The following LDLRAD4 variants were observed in gnomAD, a reference collection of about 807,000 sequenced individuals.
The protein encoded by LDLRAD4 is low-density lipoprotein receptor class A domain-containing protein 4.
Under a neutral mutation model 17.0 loss-of-function variants are expected in LDLRAD4, and 5 were observed. The ratio of observed to expected loss-of-function variants is 0.29; its 90% CI spans 0.15 to 0.62. LDLRAD4 has a LOEUF of 0.62. LDLRAD4 is among the 20% of genes least tolerant of loss of function. The probability of loss-of-function intolerance (pLI) is 0.84; values close to 1 mark genes in which losing one functional copy is unlikely to be tolerated. For missense variants in LDLRAD4, 340 were observed against 424.7 expected (o/e 0.80, Z 1.75); for synonymous variants, 168 against 171.8 (o/e 0.98, Z 0.17).
intron 3 of LDLRAD4, among the ~76,000 whole-genome samples, chr18:13,565,459 G>A (rs1323602372): frequency 3.3e-5 from 5 of 152,258 alleles, no homozygotes; most frequent in African/African-American, 9.6e-5. Flanking sequence ...GGGGCGCTGC[G>A]GTCCTCAGCC....
intron 2 of LDLRAD4, among the ~76,000 whole-genome samples, chr18:13,393,624 A>T (rs1417135691): frequency 3.9e-5 from 6 of 152,070 alleles, no homozygotes. Context: ...GTGTCATGAG[A>T]CCGTCTCCCT....
intron 1 of LDLRAD4, among the ~76,000 whole-genome samples, chr18:13,346,298 C>T (rs2082683507): frequency 6.6e-6 from 1 of 152,134 alleles, no homozygotes; most frequent in Non-Finnish European, 1.5e-5. Context: ...TCGTTGGTTT[C>T]AAAGAACATC....
At chr18:13,284,392 TG>T (rs1164201798) in intron 1 of LDLRAD4, among the ~76,000 whole-genome samples, 1 of 152,130 alleles carries the variant, frequency 6.6e-6, no homozygotes, top group Non-Finnish European at 1.5e-5. Flanking sequence ...TGGAGTCATA[TG>T]GGATAAATAC....
At chr18:13,328,623 C>T (rs956403081) in intron 1 of LDLRAD4, among the ~76,000 whole-genome samples, 5 of 152,140 alleles carry the variant, frequency 3.3e-5, no homozygotes, top group East Asian at 3.8e-4. Flanking sequence ...GTTTATTGAG[C>T]GTCAACTTTG....
intron 3 of LDLRAD4, among the ~76,000 whole-genome samples, chr18:13,590,069 G>A (rs1308675785): frequency 6.6e-6 from 1 of 151,282 alleles, no homozygotes; most frequent in African/African-American, 2.4e-5. Flanking sequence ...GACTGCATGT[G>A]TGTGGGTGTG....
At chr18:13,387,948 T>C (rs115575617) in intron 2 of LDLRAD4, among the ~76,000 whole-genome samples, 186 bp downstream of exon 3, 1,680 of 152,322 alleles carry the variant, frequency 0.011, 40 homozygotes, top group African/African-American at 0.039. Flanking sequence ...GCTCTCTCAA[T>C]AGCAGTTTGA....
chr18:13,506,719 T>TTTCATAGCTGGAGA (rs1411916094), intron 3 of LDLRAD4, among the ~76,000 whole-genome samples: 1 of 152,238 alleles, frequency 6.6e-6, no homozygotes. Flanking sequence ...GGTCAATGCC[T>TTTCATAGCTGGAGA]GGCCTCACAG....
chr18:13,406,910 T>G (rs1424839434), intron 2 of LDLRAD4, among the ~76,000 whole-genome samples: 1 of 151,562 alleles, frequency 6.6e-6, no homozygotes, highest in African/African-American at 2.4e-5. Context: ...TGGACTTGAG[T>G]CCATAACCTT....
chr18:13,589,274 C>T (rs2148519943), intron 3 of LDLRAD4, among the ~76,000 whole-genome samples: 1 of 152,242 alleles, frequency 6.6e-6, no homozygotes, highest in Admixed American at 6.5e-5. Context: ...TGTCCCCAAA[C>T]TGTGATGGGA....
At chr18:13,371,247 G>T (rs11875285) in intron 1 of LDLRAD4, among the ~76,000 whole-genome samples, 6 of 152,138 alleles carry the variant, frequency 3.9e-5, no homozygotes, top group Admixed American at 2.6e-4. Context: ...AGGCTGAGAT[G>T]GGGGGGCCAG....
In LDLRAD4 at chr18:13,645,668, C is replaced by G; in HGVS notation, c.*11C>G. ...GGGAACCTGGTCTGATTCCTTCCAA[C>G]GTGCACTTCAGCTGGAGAAAGAAAC... On this transcript the variant is annotated 3_prime_UTR_variant, in exon 6 of 6. Transcript: ENST00000359446. The surrounding 1 kb of genome is among the most constrained non-coding windows in gnomAD (Gnocchi z 5.7). 6.7e-7 allele frequency: 1 copy of G among 1,501,556 alleles called. No individual in the cohort carries two copies. The highest frequency in any genetic ancestry group is 8.9e-7 in the Non-Finnish European group (1 of 1,126,372). 93.0% of individuals were successfully genotyped at this position (1,501,556 alleles called of 1,614,324 possible).
In LDLRAD4 at chr18:13,604,168, A is replaced by G. The variant is rs1437621391; in HGVS notation, c.182-16949A>G. Among the ~76,000 whole-genome samples, 3 of 152,242 alleles carry G rather than the reference A, an allele frequency of 2.0e-5. No homozygotes were observed. The East Asian group carries it at 5.8e-4, about 29-fold the overall frequency. ...TTAGTATATGCTCCAGTATAAAACT[A>G]AAACCCTGGAATGTGCCTTGACTTT... On this transcript the variant is annotated intron_variant, in intron 3 of 5. Transcript: ENST00000359446.
chr18:13,501,486 CCTGTCTGT>C (rs372227038), intron 3 of LDLRAD4, among the ~76,000 whole-genome samples: 5 of 152,040 alleles, frequency 3.3e-5, no homozygotes, highest in African/African-American at 9.7e-5. Flanking sequence ...TTTCCTTGAG[CCTGTCTGT>C]CTGTCTGTCT....
upstream of LDLRAD4, chr18:13,218,210 C>G (rs1309241421): frequency 2.0e-5 from 3 of 152,294 alleles, no homozygotes; most frequent in African/African-American, 7.2e-5. Flanking sequence ...GGGAACTGGA[C>G]GTCCGCGAGC....
At chr18:13,595,063 C>A (rs2095078512) in intron 3 of LDLRAD4, among the ~76,000 whole-genome samples, 1 of 152,018 alleles carries the variant, frequency 6.6e-6, no homozygotes. Flanking sequence ...TCACTTTTAT[C>A]ATTGTAAGGC....
chr18:13,414,811 G>T (rs140297496), intron 2 of LDLRAD4, among the ~76,000 whole-genome samples: 1 of 152,196 alleles, frequency 6.6e-6, no homozygotes, highest in East Asian at 1.9e-4. Flanking sequence ...TATTTGCCAG[G>T]CAGTAAACTC....
chr18:13,546,919 C>T (rs1397946794), intron 3 of LDLRAD4, among the ~76,000 whole-genome samples: 1 of 152,240 alleles, frequency 6.6e-6, no homozygotes, highest in African/African-American at 2.4e-5. Context: ...TCACTGATCT[C>T]CCTTGACAGA....
At chr18:13,466,440 A>C (rs4797777) in intron 3 of LDLRAD4, among the ~76,000 whole-genome samples, 16,534 of 144,696 alleles carry the variant, frequency 0.11, 1,210 homozygotes, top group East Asian at 0.2. Context: ...AGTGCACTCC[A>C]GCCTGGGTCA....
intron 3 of LDLRAD4, among the ~76,000 whole-genome samples, chr18:13,570,583 C>T (rs1299176277): frequency 6.6e-6 from 1 of 152,178 alleles, no homozygotes; most frequent in Non-Finnish European, 1.5e-5. Flanking sequence ...CTGATAGTCA[C>T]GGCTCCCGCT....
Sources: allele counts gnomAD v4.1 joint callset (sites outside exome capture counted in the v4.1 genomes callset), GRCh38; gene constraint gnomAD v4.1.1; non-coding constraint Gnocchi (gnomAD v3.1); transcripts MANE v1.5; gene names NCBI Gene and HGNC (gene_info 2026-07-23, HGNC 2026-07-21).